The following WDPCP variants were observed in gnomAD, a reference collection of about 807,000 sequenced individuals.
The protein encoded by WDPCP is WD repeat-containing and planar cell polarity effector protein fritz homolog.
WDPCP carries 71 observed loss-of-function variants against 93.1 expected under a neutral mutation model. The ratio of observed to expected loss-of-function variants is 0.76; its 90% CI spans 0.63 to 0.93. The LOEUF (loss-of-function observed/expected upper bound fraction) is 0.93. WDPCP is among the 40% of genes least tolerant of loss of function. WDPCP has a pLI of 0.00. For missense variants in WDPCP, 844 were observed against 887.4 expected, an observed-to-expected ratio of 0.95 and a Z score of 0.62; for synonymous variants, 315 against 315.0, an observed-to-expected ratio of 1.00 and a Z score of 0.00.
At chr2:63,479,903 A>G (rs1700171525) in intron 6 of WDPCP, among the ~76,000 whole-genome samples, 3 of 152,114 alleles carry the variant, frequency 2.0e-5, no homozygotes, top group Non-Finnish European at 4.4e-5. Context: ...AGAGCAACAA[A>G]TCAAGGGCAT....
chr2:63,649,431 G>A (rs1710085889), intron 3 of WDPCP, among the ~76,000 whole-genome samples: 1 of 152,102 alleles, frequency 6.6e-6, no homozygotes, highest in African/African-American at 2.4e-5. Context: ...GCCACATTTT[G>A]TTTATCCATT....
intron 12 of WDPCP, among the ~76,000 whole-genome samples, chr2:63,333,022 T>TCA (rs1688091931): frequency 6.6e-6 from 1 of 152,224 alleles, no homozygotes; most frequent in Admixed American, 6.5e-5. Context: ...TTTACCCATT[T>TCA]CAAGTACATT....
chr2:63,273,821 ACACACG>A (rs938490204), intron 13 of WDPCP, among the ~76,000 whole-genome samples: 13 of 143,712 alleles, frequency 9.0e-5, no homozygotes, highest in African/African-American at 2.2e-4. Flanking sequence ...ACACACACAC[ACACACG>A]CACACACACA....
At chr2:63,358,778 A>C (rs565785080) in intron 12 of WDPCP, among the ~76,000 whole-genome samples, 53 of 152,098 alleles carry the variant, frequency 3.5e-4, no homozygotes, top group Non-Finnish European at 6.6e-4. Flanking sequence ...TAACTCTACC[A>C]CTAACGGTCA....
intron 10 of WDPCP, among the ~76,000 whole-genome samples, chr2:63,396,280 C>G (rs551868909): frequency 8.5e-5 from 13 of 152,264 alleles, no homozygotes; most frequent in African/African-American, 3.1e-4. Context: ...TTGAAAATAA[C>G]TCTTGAGGAA....
intron 14 of WDPCP, among the ~76,000 whole-genome samples, chr2:63,235,873 A>G (rs1679344889): frequency 6.6e-6 from 1 of 152,324 alleles, no homozygotes; most frequent in East Asian, 1.9e-4. Context: ...TCTATGACAA[A>G]CCCACAGCCA....
intron 1 of WDPCP, among the ~76,000 whole-genome samples, chr2:63,525,070 A>T (rs1420161688): frequency 6.6e-6 from 1 of 152,230 alleles, no homozygotes; most frequent in Admixed American, 6.5e-5. Context: ...AGCCCAAAAA[A>T]AAGAAAAAGG....
At chr2:63,484,534 G>T in intron 6 of WDPCP, 70 bp downstream of exon 6, 1 of 1,575,984 alleles carries the variant, frequency 6.3e-7, no homozygotes, top group South Asian at 1.1e-5. Context: ...CATAACACAA[G>T]AATACCAATT....
chr2:63,548,449 G>A (rs964306831), intron 1 of WDPCP, among the ~76,000 whole-genome samples: 1 of 151,628 alleles, frequency 6.6e-6, no homozygotes, highest in Non-Finnish European at 1.5e-5. Flanking sequence ...TTAGTTTCCT[G>A]AATGGCAATC....
At chr2:63,536,405 G>A (rs948777145) in intron 1 of WDPCP, among the ~76,000 whole-genome samples, 26 of 152,198 alleles carry the variant, frequency 1.7e-4, no homozygotes, top group South Asian at 2.1e-4. Context: ...AAAGACACAT[G>A]CACACGTATG....
At chr2:63,444,606 A>G (rs1225777734) in intron 6 of WDPCP, among the ~76,000 whole-genome samples, 1 of 152,100 alleles carries the variant, frequency 6.6e-6, no homozygotes, top group African/African-American at 2.4e-5. Flanking sequence ...AAGGGGTTGG[A>G]GGGAGGATTC....
chr2:63,418,359 A>G (rs1280041194), intron 9 of WDPCP, among the ~76,000 whole-genome samples: 2 of 152,242 alleles, frequency 1.3e-5, no homozygotes, highest in Non-Finnish European at 2.9e-5. Context: ...AATGACAACG[A>G]TCTGAACAAA....
chr2:63,149,159 C>A (rs1000436991), intron 17 of WDPCP, among the ~76,000 whole-genome samples: 3 of 151,758 alleles, frequency 2.0e-5, no homozygotes, highest in Non-Finnish European at 2.9e-5. Context: ...AAGACTACTA[C>A]AAATCAGTGA....
chr2:63,279,006 C>CA (rs1453851227), intron 13 of WDPCP, among the ~76,000 whole-genome samples: 1 of 151,486 alleles, frequency 6.6e-6, no homozygotes, highest in Non-Finnish European at 1.5e-5. Context: ...AGACTGCCAA[C>CA]AAAAAAAAGT....
chr2:63,722,414 G>A (rs1194761999), intron 2 of WDPCP, among the ~76,000 whole-genome samples: 3 of 150,078 alleles, frequency 2.0e-5, no homozygotes, highest in Admixed American at 6.6e-5. Context: ...ACCTCTGCCC[G>A]GCCGCGACCC....
chr2:63,457,928 A>G (rs949083897), intron 6 of WDPCP, among the ~76,000 whole-genome samples: 15 of 152,230 alleles, frequency 9.9e-5, no homozygotes, highest in Non-Finnish European at 2.1e-4. Context: ...GATCAAGACC[A>G]TCTTGGCCAA....
rs772905768 is a variant in WDPCP at position 63,131,979 on chromosome 2, C to T, written c.2191-9923G>A. ...CCTCCTGAGTAGCTGGGATTACAGG[C>T]GTGTGCCACCATGCCTGGCTAATAT... is the stretch of plus-strand genomic sequence containing the variant. On this transcript the variant is annotated intron_variant, in intron 17 of 17. Transcript: ENST00000272321. 4.6e-5 allele frequency among the ~76,000 whole-genome samples: 7 copies of T among 151,602 alleles called. No homozygotes were observed. In the East Asian group the frequency reaches 9.7e-4, roughly 21 times the overall value.
chr2:63,582,672 C>A (rs1164413131), intron 1 of WDPCP, among the ~76,000 whole-genome samples: 1 of 151,498 alleles, frequency 6.6e-6, no homozygotes, highest in Non-Finnish European at 1.5e-5. Flanking sequence ...TTAAAAGCAG[C>A]CAGAGAAAAA....
intron 2 of WDPCP, among the ~76,000 whole-genome samples, chr2:63,701,667 C>A (rs768133146): frequency 6.6e-6 from 1 of 152,084 alleles, no homozygotes; most frequent in African/African-American, 2.4e-5. Context: ...ATTATTCAGC[C>A]ATAAGAAAGA....
Sources: gnomAD v4.1 joint callset for allele counts (sites outside exome capture counted in the v4.1 genomes callset) on GRCh38, gnomAD v4.1.1 for gene constraint, MANE v1.5 for transcripts, NCBI Gene and HGNC (gene_info 2026-07-23, HGNC 2026-07-21) for gene names.